UTP6: variants seen among roughly 807,000 people sequenced by gnomAD.
The protein encoded by UTP6 is UTP6 small subunit processome component.
UTP6 carries 60 observed loss-of-function variants against 96.5 expected under a neutral mutation model. The ratio of observed to expected loss-of-function variants is 0.62; its 90% CI spans 0.51 to 0.77. The LOEUF (loss-of-function observed/expected upper bound fraction) is 0.77. Among genes scored for constraint, UTP6 ranks in the 30% least tolerant of loss-of-function variants. UTP6 has a pLI of 0.00. For missense variants in UTP6, 637 were observed against 706.5 expected, an observed-to-expected ratio of 0.90 and a Z score of 1.12; for synonymous variants, 215 against 240.1, an observed-to-expected ratio of 0.90 and a Z score of 0.96.
intron 2 of UTP6, among the ~76,000 whole-genome samples, chr17:31,899,065 C>T (rs924302484): frequency 5.3e-5 from 8 of 152,058 alleles, no homozygotes; most frequent in Middle Eastern, 3.4e-3. Flanking sequence ...AGGCTGGGCC[C>T]GGTGGCTCAC....
Position 31,870,515 on chromosome 17 carries a change from GT to G in UTP6, c.1497-2404del, listed in dbSNP as rs757361777. ...TGTTTTTGTTGTTGTTGTTGTTTTG[GT>G]TTTTTTTTTTGGTTTTTTTTTTTGA... On this transcript the variant is annotated intron_variant, in intron 16 of 18. Coordinates refer to ENST00000261708, the MANE Select transcript of UTP6 (RefSeq NM_018428.3). Among the ~76,000 whole-genome samples, 445 of 138,734 alleles carry G rather than the reference GT, an allele frequency of 3.2e-3. 1 individual carries two copies. The highest frequency in any genetic ancestry group is 0.01 in the African/African-American group (382 of 37,960). The allele number at this position is 138,734 out of a possible 152,430, so 91.0% of individuals were successfully genotyped here.
At chr17:31,865,960 G>C (rs1329585023) in intron 17 of UTP6, among the ~76,000 whole-genome samples, 1 of 152,090 alleles carries the variant, frequency 6.6e-6, no homozygotes, top group African/African-American at 2.4e-5. Context: ...AGATTAAAAT[G>C]CTGATGAATT....
intron 17 of UTP6, chr17:31,866,645 T>C (rs953974169): frequency 2.7e-5 from 4 of 149,540 alleles, no homozygotes; most frequent in East Asian, 2.0e-4. Context: ...GGCAAGAGAA[T>C]TGCTTGAACC....
intron 9 of UTP6, among the ~76,000 whole-genome samples, chr17:31,885,711 C>T (rs1911106668): frequency 6.6e-6 from 1 of 151,856 alleles, no homozygotes; most frequent in Non-Finnish European, 1.5e-5. Flanking sequence ...TCACTTGAAC[C>T]CAGGAAGCAG....
rs768755880 is a variant in UTP6 at position 31,880,595 on chromosome 17, C to T, written c.945G>A (p.Glu315=). 6.2e-7 allele frequency: 1 copy of T among 1,614,116 alleles called. No homozygotes were observed. Among genetic ancestry groups the T allele is most frequent in the Admixed American group, 1.7e-5 (1 of 59,990 alleles). Residue 315 remains glutamate, a synonymous_variant, in exon 11 of 19, where the codon GAG becomes GAA. Coordinates refer to ENST00000261708, the MANE Select transcript of UTP6 (RefSeq NM_018428.3). ...CACCTGTTGGCAGAGTCTTCACTGC[C>T]TCTTCATACACAGCACAGCACCTCT... ...KEERCCAVYE[E]AVKTLPTEAM...
rs368670254 is a variant in UTP6, at chr17:31,894,781, T to C, written c.220-44A>G. On this transcript the variant is annotated intron_variant, in intron 3 of 18. Coordinates refer to ENST00000261708, the MANE Select transcript of UTP6 (RefSeq NM_018428.3). ...AAACAGAGCCTCAACTTAATCATAT[T>C]TGTCCAAAACAGCATTCCTACTTGA... The C allele has an allele frequency of 1.1e-5, 17 of 1,534,966 alleles. No individual in the cohort carries two copies. In the African/African-American group the frequency reaches 1.9e-4, roughly 17 times the overall value.
chr17:31,878,391 A>G lies in UTP6; in HGVS notation c.1048-64T>C, dbSNP rs564942734. 3.3e-6 allele frequency: 5 copies of G among 1,500,104 alleles called. No homozygotes were observed. In the South Asian group the frequency reaches 4.7e-5, roughly 14 times the overall value. The allele number at this position is 1,500,104 out of a possible 1,614,324, so 92.9% of individuals were successfully genotyped here. A position where few individuals can be genotyped will look rare whatever the true frequency, so the allele number is the denominator to read the frequency against. Reference sequence around the variant, plus strand: ...CCAGCAGGGGCCTCTGGCCTCTGACATGAACAAAAGCAGTTTTGCGCATTT... The same window carrying G: ...CCAGCAGGGGCCTCTGGCCTCTGACGTGAACAAAAGCAGTTTTGCGCATTT... On this transcript the variant is annotated intron_variant, in intron 12 of 18. Transcript: ENST00000261708.
At chr17:31,892,606 T>C (rs1904385033) in intron 5 of UTP6, 141 bp downstream of exon 5, 6 of 910,624 alleles carry the variant, frequency 6.6e-6, no homozygotes, top group South Asian at 1.6e-5. Context: ...AGATATCCAA[T>C]GTTATATTGA....
At chr17:31,896,109 G>A (rs140482907) in intron 2 of UTP6, among the ~76,000 whole-genome samples, 15,028 of 149,842 alleles carry the variant, frequency 0.1, 1,395 homozygotes, top group African/African-American at 0.25. Flanking sequence ...ATGGAGTCTC[G>A]CTCTGTCGCC....
At position 31,889,379 on chromosome 17, in the gene UTP6, C is replaced by A. The variant is rs1911333290; in HGVS notation, c.449G>T (p.Trp150Leu). The change falls in exon 7 of 19, where the codon TGG becomes TTG. Residue 150 changes from tryptophan (W) to leucine (L), a missense_variant. By Grantham distance (61) the Trp-to-Leu change is moderately conservative. Transcript: ENST00000261708. ...TGAAGACAATCGATCTTCCATTTCC[C>A]ATTTGGCTGCCATAATCCACAAAGC... ...KPALWIMAAKWEMEDRLSSES... is the reference protein window; with the variant it reads ...KPALWIMAAKLEMEDRLSSES... 6.2e-7 allele frequency: 1 copy of A among 1,613,552 alleles called. No homozygotes were observed.
intron 18 of UTP6, among the ~76,000 whole-genome samples, chr17:31,864,882 G>A (rs1023447048): frequency 5.3e-5 from 8 of 151,546 alleles, no homozygotes; most frequent in Non-Finnish European, 8.8e-5. Context: ...CTTAACAGAC[G>A]ACCCATGGAC....
At chr17:31,899,514 G>T in intron 2 of UTP6, 132 bp downstream of exon 2, 1 of 523,752 alleles carries the variant, frequency 1.9e-6, no homozygotes, top group Non-Finnish European at 3.1e-6. Context: ...TGAGCCTGGA[G>T]GGCAGAGGTT....
At chr17:31,898,402 T>A (rs1012276028) in intron 2 of UTP6, among the ~76,000 whole-genome samples, 2 of 152,008 alleles carry the variant, frequency 1.3e-5, no homozygotes, top group Non-Finnish European at 2.9e-5. Flanking sequence ...TGTGGGCACC[T>A]GTAATCCCAG....
At chr17:31,891,923 T>G (rs950054372) in intron 6 of UTP6, among the ~76,000 whole-genome samples, 10 of 152,052 alleles carry the variant, frequency 6.6e-5, no homozygotes, top group Non-Finnish European at 1.5e-4. Context: ...CTCAGGAGGC[T>G]AAGGCAGGAG....
rs749087959 is a variant in UTP6 at position 31,873,360 on chromosome 17, A to G, written c.1496+18T>C. On this transcript the variant is annotated intron_variant, in intron 16 of 18. Transcript: ENST00000261708. Reference sequence around the variant, plus strand: ...TGGGGTAGAGGGACTAGTAACAACTATGAACGTCTGTGAGTACCTTTTAAA... The same window carrying G: ...TGGGGTAGAGGGACTAGTAACAACTGTGAACGTCTGTGAGTACCTTTTAAA... 1.2e-6 allele frequency: 2 copies of G among 1,613,030 alleles called. No individual in the cohort carries two copies. Among genetic ancestry groups the G allele is most frequent in the Admixed American group, 1.7e-5 (1 of 59,906 alleles).
rs754565341 is a variant in UTP6, at chr17:31,875,406, G to A, written c.1133C>T (p.Ser378Leu). 3.7e-6 allele frequency: 6 copies of A among 1,613,812 alleles called. No homozygotes were observed. The highest frequency in any genetic ancestry group is 2.2e-5 in the East Asian group (1 of 44,880). The change falls in exon 14 of 19, where the codon TCG becomes TTG. Residue 378 changes from serine (S) to leucine (L), a missense_variant. By Grantham distance (145) the Ser-to-Leu change is moderately radical. Transcript: ENST00000261708. ...CCTCAGGAAGTTATAACACAGCAAC[G>A]AAACACTCTAGACAAGATGAAGGAT... ...SECQYKQLSV[S>L]LLCYNFLREA...
At chr17:31,888,327 T>G (rs935595384) in intron 7 of UTP6, 5 of 152,198 alleles carry the variant, frequency 3.3e-5, no homozygotes, top group Admixed American at 1.3e-4. Context: ...TAGAGTCTAG[T>G]TCCCTATTCC....
chr17:31,894,841 T>C, intron 3 of UTP6, 104 bp from the exon 4 acceptor site: 1 of 1,295,162 alleles, frequency 7.7e-7, no homozygotes, highest in South Asian at 1.3e-5. Flanking sequence ...AACAAATAAT[T>C]ACAAATATCC....
At chr17:31,866,717 T>TAAAA (rs61684764) in intron 17 of UTP6, 2,747 of 109,182 alleles carry the variant, frequency 0.025, 239 homozygotes, top group African/African-American at 0.089. Flanking sequence ...AGACTCCGTC[T>TAAAA]AAAAAAAAAA....
Sources: gnomAD v4.1 joint callset for allele counts (sites outside exome capture counted in the v4.1 genomes callset) on GRCh38, gnomAD v4.1.1 for gene constraint, MANE v1.5 for transcripts, NCBI Gene and HGNC (gene_info 2026-07-23, HGNC 2026-07-21) for gene names.